Variants in PRAC2 observed in about 807,000 individuals in gnomAD.
The protein encoded by PRAC2 is protein PRAC2.
For synonymous variants in PRAC2, 43 were observed against 49.5 expected (o/e 0.87, Z 0.55); for missense variants, 92 against 114.5 (o/e 0.80, Z 0.90).
upstream of PRAC2, among the ~76,000 whole-genome samples, chr17:48,722,691 C>G (rs2038158662): frequency 6.6e-6 from 1 of 152,214 alleles, no homozygotes; most frequent in South Asian, 2.1e-4. Context: ...CTCCCTGGAC[C>G]TCCTGGTTGC....
At chr17:48,722,411 G>T (rs546750533), upstream of PRAC2, 84 of 1,612,634 alleles carry the variant, frequency 5.2e-5, no homozygotes, top group Non-Finnish European at 6.8e-5. Context: ...TCTCTGCAAA[G>T]GTGGGGACCA....
upstream of PRAC2, chr17:48,722,506 T>C: frequency 1.1e-6 from 1 of 879,656 alleles, no homozygotes; most frequent in Non-Finnish European, 1.9e-6. Context: ...CGCCTTAGGC[T>C]AGGAGAGGAA....
intron 1 of PRAC2, 70 bp downstream of exon 1, chr17:48,723,383 C>T: frequency 3.6e-6 from 1 of 279,920 alleles, no homozygotes; most frequent in Non-Finnish European, 6.6e-6. Context: ...GGGTTGGGGC[C>T]GGGGGGCACA....
At chr17:48,722,170 G>C, upstream of PRAC2, 1 of 729,088 alleles carries the variant, frequency 1.4e-6, no homozygotes, top group Non-Finnish European at 2.3e-6. Context: ...AGGTGGTATC[G>C]GTGAAAGCCT....
At chr17:48,722,486 T>A (rs2038156802), upstream of PRAC2, 2 of 1,067,080 alleles carry the variant, frequency 1.9e-6, no homozygotes, top group Admixed American at 1.7e-5. Flanking sequence ...CCAGTGGCGC[T>A]CTGTTTGCAC....
upstream of PRAC2, chr17:48,721,977 C>A: frequency 7.2e-7 from 1 of 1,381,516 alleles, no homozygotes. Flanking sequence ...GCCAGGACTC[C>A]ATCCCATTGG....
upstream of PRAC2, chr17:48,722,373 G>A: frequency 6.2e-7 from 1 of 1,614,198 alleles, no homozygotes; most frequent in Middle Eastern, 1.6e-4. Context: ...TCCTTGATCT[G>A]AGAAATGGGC....
chr17:48,721,748 A>G, upstream of PRAC2: 1 of 1,433,548 alleles, frequency 7.0e-7, no homozygotes, highest in South Asian at 1.5e-5. Flanking sequence ...TTTATTGTAT[A>G]AATAGAGACA....
chr17:48,723,705 A>G, intron 1 of PRAC2: 1 of 1,231,744 alleles, frequency 8.1e-7, no homozygotes. Flanking sequence ...AACCCGAAAG[A>G]TGGAGCCTCA....
upstream of PRAC2, chr17:48,722,459 CT>C: frequency 7.1e-7 from 1 of 1,418,196 alleles, no homozygotes; most frequent in Non-Finnish European, 1.0e-6. Flanking sequence ...AAGCATCGGC[CT>C]AAAGGTTTCA....
At chr17:48,722,497 G>A (rs2038156890), upstream of PRAC2, 1 of 947,984 alleles carries the variant, frequency 1.1e-6, no homozygotes, top group East Asian at 2.4e-5. Context: ...CTGTTTGCAC[G>A]CCTTAGGCTA....
At chr17:48,721,610 C>A, upstream of PRAC2, 1 of 453,884 alleles carries the variant, frequency 2.2e-6, no homozygotes, top group Non-Finnish European at 3.7e-6. Flanking sequence ...CAGCCATGAG[C>A]CACTATGCCT....
At chr17:48,722,278 C>T (rs756253190), upstream of PRAC2, 1 of 1,533,036 alleles carries the variant, frequency 6.5e-7, no homozygotes, top group Admixed American at 1.7e-5. Flanking sequence ...CCATACTGAG[C>T]GATCCGTCGA....
At chr17:48,723,847 T>C in intron 1 of PRAC2, 1 of 1,117,590 alleles carries the variant, frequency 8.9e-7, no homozygotes, top group Non-Finnish European at 1.1e-6. Flanking sequence ...GCTTTGGAGT[T>C]AGAAATTATT....
At chr17:48,722,095 C>G (rs1320423656), upstream of PRAC2, among the ~76,000 whole-genome samples, 1 of 152,162 alleles carries the variant, frequency 6.6e-6, no homozygotes, top group Non-Finnish European at 1.5e-5. Context: ...GAAACATTTT[C>G]TTTGTCCCTT....
chr17:48,724,368 G>T lies in PRAC2; in HGVS notation c.-43G>T. The T allele has an allele frequency of 8.1e-7, 1 of 1,234,216 alleles. No homozygotes were observed. The highest frequency in any genetic ancestry group is 3.2e-5 in the East Asian group (1 of 31,704). 76.5% of individuals were successfully genotyped at this position (1,234,216 alleles called of 1,614,324 possible). A position where few individuals can be genotyped will look rare whatever the true frequency, so the allele number is the denominator to read the frequency against. On this transcript the variant is annotated 5_prime_UTR_variant, in exon 2 of 2. Transcript: ENST00000422730. ...ATCCGAAAAAAAGTGTGTGTGGGGG[G>T]GTCCACACCACTAATTATTATGGCG...
At chr17:48,721,714 C>A (rs1320993444), upstream of PRAC2, 2 of 1,241,686 alleles carry the variant, frequency 1.6e-6, no homozygotes, top group Non-Finnish European at 2.1e-6. Context: ...TTAACTTTCA[C>A]CCAGTTTCCT....
At chr17:48,722,193 T>C (rs1222927461), upstream of PRAC2, 124 of 818,834 alleles carry the variant, frequency 1.5e-4, no homozygotes, top group East Asian at 3.1e-3. Flanking sequence ...TGCTCACCCT[T>C]CCCTTGTTTC....
At chr17:48,722,833 A>G (rs1432456540), upstream of PRAC2, among the ~76,000 whole-genome samples, 2 of 151,682 alleles carry the variant, frequency 1.3e-5, no homozygotes, top group Non-Finnish European at 2.9e-5. Flanking sequence ...GGAGACCACC[A>G]GCCTGGAACT....
Sources: allele counts gnomAD v4.1 joint callset (sites outside exome capture counted in the v4.1 genomes callset), GRCh38; gene constraint gnomAD v4.1.1; transcripts MANE v1.5; gene names NCBI Gene and HGNC (gene_info 2026-07-23, HGNC 2026-07-21).